The following PLAC1 variants were observed in gnomAD, a reference collection of about 807,000 sequenced individuals.
The protein encoded by PLAC1 is placenta associated 1.
For missense variants in PLAC1, 136 were observed against 163.2 expected (o/e 0.83, Z 0.91); for synonymous variants, 68 against 62.1 (o/e 1.09, Z -0.44).
intron 1 of PLAC1, among the ~76,000 whole-genome samples, chrX:134,761,914 A>G (rs771306654): frequency 1.8e-5 from 2 of 112,218 alleles, no homozygotes; most frequent in African/African-American, 6.5e-5. Context: ...GAATGTTCAC[A>G]CAATTGCTAA....
chrX:134,649,907 C>T lies in PLAC1; in HGVS notation c.-131+8421G>A, dbSNP rs183853171. On this transcript the variant is annotated intron_variant, in intron 1 of 2. Transcript: ENST00000359237. ...TCTCCTACCCTCCTGTCTCCCGCCC[C>T]GGGGGGAATCACAGAAACTAGAACC... Among the ~76,000 whole-genome samples, 822 of 111,663 alleles carry T rather than the reference C, an allele frequency of 7.4e-3. 2 individuals are homozygous for T. Among genetic ancestry groups the T allele is most frequent in the Middle Eastern group, 0.056 (12 of 213 alleles).
intron 2 of PLAC1, among the ~76,000 whole-genome samples, chrX:134,717,491 C>G (rs1481055977): frequency 1.8e-5 from 2 of 111,746 alleles, no homozygotes; most frequent in East Asian, 5.6e-4. Context: ...AACCTCCTGA[C>G]CTCAAGCGAT....
intron 1 of PLAC1, among the ~76,000 whole-genome samples, chrX:134,653,047 T>C (rs1254350781): frequency 8.9e-6 from 1 of 112,352 alleles, no homozygotes; most frequent in Non-Finnish European, 1.9e-5. Context: ...ATGGTAATAA[T>C]AGTGGTAAGG....
chrX:134,743,352 A>G (rs1343837672), intron 1 of PLAC1, among the ~76,000 whole-genome samples: 1 of 111,950 alleles, frequency 8.9e-6, no homozygotes, highest in Non-Finnish European at 1.9e-5. Context: ...ATGAGACAAT[A>G]GTTCATAATT....
chrX:134,595,492 A>G (rs1356888748), intron 2 of PLAC1, among the ~76,000 whole-genome samples: 1 of 109,250 alleles, frequency 9.2e-6, no homozygotes, highest in African/African-American at 3.3e-5. Context: ...TTTCAGTTCT[A>G]TCAGTTTTTG....
At chrX:134,599,896 T>C (rs2078080559) in intron 2 of PLAC1, among the ~76,000 whole-genome samples, 1 of 111,676 alleles carries the variant, frequency 9.0e-6, no homozygotes, top group African/African-American at 3.3e-5. Context: ...TTTTATTTAT[T>C]TCCAGTTTGC....
intron 1 of PLAC1, among the ~76,000 whole-genome samples, chrX:134,754,938 T>G (rs1191681699): frequency 9.0e-6 from 1 of 110,803 alleles, no homozygotes; most frequent in Non-Finnish European, 1.9e-5. Flanking sequence ...AACAATAAAT[T>G]ATTTTTCAGT....
At chrX:134,672,029 C>T (rs1207544614) in intron 2 of PLAC1, among the ~76,000 whole-genome samples, 1 of 111,421 alleles carries the variant, frequency 9.0e-6, no homozygotes, top group Non-Finnish European at 1.9e-5. Context: ...GCAGGGAACC[C>T]ATTTGTTTCA....
chrX:134,691,871 T>C (rs748478991), intron 2 of PLAC1, among the ~76,000 whole-genome samples: 1 of 111,695 alleles, frequency 9.0e-6, no homozygotes, highest in African/African-American at 3.2e-5. Flanking sequence ...CTGGAGAAGG[T>C]GGCAAGTGGG....
At chrX:134,645,830 A>T (rs1182688165) in intron 1 of PLAC1, among the ~76,000 whole-genome samples, 1 of 111,701 alleles carries the variant, frequency 9.0e-6, no homozygotes, top group Non-Finnish European at 1.9e-5. Context: ...GGAAAGGAGG[A>T]GTAGAATTAT....
chrX:134,719,684 G>T (rs749534526), intron 2 of PLAC1, among the ~76,000 whole-genome samples: 4 of 111,330 alleles, frequency 3.6e-5, no homozygotes, highest in Non-Finnish European at 7.5e-5. Context: ...CAGCTACTCG[G>T]GAGGCTGAGG....
chrX:134,581,369 G>A (rs2077973158), intron 2 of PLAC1, among the ~76,000 whole-genome samples: 1 of 111,027 alleles, frequency 9.0e-6, no homozygotes, highest in African/African-American at 3.3e-5. Context: ...GAAAGCAGCA[G>A]GGTGAAAGCG....
chrX:134,648,162 G>A (rs1340219791), intron 1 of PLAC1, among the ~76,000 whole-genome samples: 2 of 110,840 alleles, frequency 1.8e-5, no homozygotes, highest in Non-Finnish European at 3.8e-5. Context: ...AGTAAAATAC[G>A]CCTGGGAGGA....
In PLAC1 at chrX:134,668,651, C is replaced by T. The variant is rs183116076; in HGVS notation, n.174+64784G>A. Among the ~76,000 whole-genome samples the T allele has an allele frequency of 1.2e-3, 141 of 113,009 alleles. 2 individuals are homozygous for T. The highest frequency in any genetic ancestry group is 0.012 in the Admixed American group (127 of 10,809). On this transcript the variant is annotated intron_variant and non_coding_transcript_variant, in intron 2 of 2. Coordinates refer to the PLAC1 transcript ENST00000466797. ...GAAGGACTAGTGATGGGTCTAAATC[C>T]GGCCATAATGGCCAGCTCACACTTG...
chrX:134,759,722 A>G (rs2078765335), intron 1 of PLAC1, among the ~76,000 whole-genome samples: 1 of 112,344 alleles, frequency 8.9e-6, no homozygotes, highest in Admixed American at 9.5e-5. Context: ...ACACAATGGA[A>G]TACTATATAG....
At chrX:134,653,629 G>T (rs1364407951) in intron 1 of PLAC1, among the ~76,000 whole-genome samples, 1 of 111,460 alleles carries the variant, frequency 9.0e-6, no homozygotes, top group Non-Finnish European at 1.9e-5. Context: ...TCAGCATATG[G>T]CTTCATGGGT....
intron 2 of PLAC1, among the ~76,000 whole-genome samples, chrX:134,569,802 GT>G (rs1364543432): frequency 7.6e-4 from 80 of 105,550 alleles, no homozygotes; most frequent in South Asian, 1.7e-3. Flanking sequence ...GTGTGTGTGT[GT>G]GTGTGTTGGG....
At chrX:134,758,556 T>C (rs927423798) in intron 1 of PLAC1, among the ~76,000 whole-genome samples, 1 of 112,107 alleles carries the variant, frequency 8.9e-6, no homozygotes, top group African/African-American at 3.2e-5. Flanking sequence ...AAAGGACACT[T>C]TCTTCAACAA....
At chrX:134,634,676 G>C (rs2078275767) in intron 1 of PLAC1, among the ~76,000 whole-genome samples, 1 of 112,171 alleles carries the variant, frequency 8.9e-6, no homozygotes, top group Non-Finnish European at 1.9e-5. Flanking sequence ...AAGTTCATCC[G>C]TGTTGTGGCA....
Sources: gnomAD v4.1 joint callset for allele counts (sites outside exome capture counted in the v4.1 genomes callset) on GRCh38, gnomAD v4.1.1 for gene constraint, MANE v1.5 for transcripts, NCBI Gene and HGNC (gene_info 2026-07-23, HGNC 2026-07-21) for gene names.